SYT7: variants seen among roughly 807,000 people sequenced by gnomAD.
SYT7 encodes synaptotagmin 7, also known as synaptotagmin-7.
Under a neutral mutation model 75.1 loss-of-function variants are expected in SYT7, and 29 were observed. That is an observed-to-expected ratio of 0.39 (90% CI 0.29 to 0.53). The LOEUF is 0.53. SYT7 is among the 20% of genes least tolerant of loss of function. The pLI is 0.77. For synonymous variants in SYT7, 376 were observed against 401.7 expected (o/e 0.94, Z 0.76); for missense variants, 693 against 953.2 (o/e 0.73, Z 3.59).
intron 5 of SYT7, 70 bp downstream of exon 5, chr11:61,545,961 T>C (rs2063170613): frequency 7.2e-7 from 1 of 1,389,158 alleles, no homozygotes. Flanking sequence ...ATGCCAGGGG[T>C]CCCGCTGTCC....
chr11:61,563,896 C>T (rs550352726), intron 1 of SYT7, among the ~76,000 whole-genome samples: 2 of 152,326 alleles, frequency 1.3e-5, no homozygotes, highest in South Asian at 2.1e-4. Flanking sequence ...GCTTTGAAGA[C>T]CAAAGTCTGG....
At chr11:61,568,937 C>G (rs1398717372) in intron 1 of SYT7, among the ~76,000 whole-genome samples, 3 of 152,234 alleles carry the variant, frequency 2.0e-5, no homozygotes, top group Non-Finnish European at 4.4e-5. Context: ...CCAAGTCACA[C>G]AGTGAGCTGT....
intron 3 of SYT7, among the ~76,000 whole-genome samples, chr11:61,550,644 TC>T (rs577606549): frequency 2.0e-5 from 3 of 151,480 alleles, no homozygotes; most frequent in Admixed American, 6.6e-5. Flanking sequence ...CACAGAGGCC[TC>T]CCCCCCAGCA....
intron 1 of SYT7, among the ~76,000 whole-genome samples, chr11:61,566,865 C>T (rs1292418082): frequency 6.6e-6 from 1 of 152,198 alleles, no homozygotes; most frequent in Non-Finnish European, 1.5e-5. Context: ...TTAAAAGCTC[C>T]TCATGCTGAT....
At chr11:61,571,953 A>G (rs1590951602) in intron 1 of SYT7, among the ~76,000 whole-genome samples, 1 of 152,154 alleles carries the variant, frequency 6.6e-6, no homozygotes, top group Non-Finnish European at 1.5e-5. Flanking sequence ...TGACCAAGTT[A>G]CCATTGCACC....
chr11:61,537,536 G>C (rs1230329617), intron 7 of SYT7, among the ~76,000 whole-genome samples: 1 of 152,198 alleles, frequency 6.6e-6, no homozygotes, highest in Non-Finnish European at 1.5e-5. Flanking sequence ...TGCTCAGGAC[G>C]GCTGCCTGCA....
intron 6 of SYT7, chr11:61,541,370 T>A: frequency 1.2e-6 from 1 of 800,810 alleles, no homozygotes; most frequent in Non-Finnish European, 1.5e-6. Context: ...TGTCTTAGGC[T>A]CTGAGAGTGG....
chr11:61,550,200 C>T (rs1050968353), intron 3 of SYT7, among the ~76,000 whole-genome samples: 2 of 152,226 alleles, frequency 1.3e-5, no homozygotes, highest in East Asian at 1.9e-4. Context: ...GCCTGGCCCA[C>T]GCCTCCTCTT....
At chr11:61,532,051 TGGCTGGA>T (rs1279312276) in intron 8 of SYT7, among the ~76,000 whole-genome samples, 3 of 152,036 alleles carry the variant, frequency 2.0e-5, no homozygotes, top group Non-Finnish European at 4.4e-5. Flanking sequence ...TGGTTAGAGC[TGGCTGGA>T]ACCCTACATG....
chr11:61,534,843 T>C (rs1439526758), intron 7 of SYT7, among the ~76,000 whole-genome samples: 15 of 147,778 alleles, frequency 1.0e-4, no homozygotes, highest in African/African-American at 3.2e-4. Context: ...ACGCACCACA[T>C]ACACACACAC....
intron 6 of SYT7, chr11:61,540,951 T>C (rs746779090): frequency 6.5e-4 from 643 of 985,288 alleles, no homozygotes; most frequent in Non-Finnish European, 7.6e-4. Flanking sequence ...TTGAGTGGGG[T>C]AGAGCCCCAG....
At chr11:61,548,962 G>T (rs866907463) in intron 3 of SYT7, among the ~76,000 whole-genome samples, 2 of 152,196 alleles carry the variant, frequency 1.3e-5, no homozygotes, top group Middle Eastern at 3.2e-3. Flanking sequence ...TAAGTGGTGG[G>T]TATGGAGGAG....
At chr11:61,582,753 C>CA (rs1419778862), upstream of SYT7, among the ~76,000 whole-genome samples, 1 of 152,128 alleles carries the variant, frequency 6.6e-6, no homozygotes, top group Non-Finnish European at 1.5e-5. Context: ...CTATTCCATA[C>CA]ACCTCACAGC....
chr11:61,545,968 G>T, intron 5 of SYT7, 63 bp downstream of exon 5: 1 of 1,461,206 alleles, frequency 6.8e-7, no homozygotes, highest in Non-Finnish European at 9.2e-7. Flanking sequence ...GGGTCCCGCT[G>T]TCCACCCTGG....
At chr11:61,535,076 C>T (rs928181416) in intron 7 of SYT7, among the ~76,000 whole-genome samples, 3 of 152,142 alleles carry the variant, frequency 2.0e-5, no homozygotes, top group Non-Finnish European at 2.9e-5. Flanking sequence ...CTGAAGCTGT[C>T]GGAGGTCACA....
chr11:61,533,124 C>A lies in SYT7; in HGVS notation c.1065G>T (p.Arg355Ser), dbSNP rs745378316. Residue 355 changes from arginine (R) to serine (S), a missense_variant and splice_region_variant, in exon 8 of 13, where the codon AGG becomes AGT. By Grantham distance (110) the Arg-to-Ser change is moderately radical. This residue lies in a region of SYT7 where 487 missense variants were observed against 593.2 expected (regional missense o/e 0.82). Transcript: ENST00000539008. The part of the protein sequence containing the change: ...QQNQNAQGDK[R>S]LPAGGKAVNT... Reference sequence around the variant, plus strand: ...TCACCGCCTTCCCTCCTGCAGGCAACCTGAGGGCAGGGGAGTCCAAATGAG... The same window carrying A: ...TCACCGCCTTCCCTCCTGCAGGCAAACTGAGGGCAGGGGAGTCCAAATGAG... The A allele has an allele frequency of 6.3e-7, 1 of 1,592,920 alleles. No homozygotes were observed. Among genetic ancestry groups the A allele is most frequent in the South Asian group, 1.1e-5 (1 of 88,920 alleles).
In SYT7 at chr11:61,542,182, G is replaced by A; in HGVS notation, c.941+29C>T. The A allele has an allele frequency of 6.6e-7, 1 of 1,526,038 alleles. No homozygotes were observed. Among genetic ancestry groups the A allele is most frequent in the Non-Finnish European group, 8.8e-7 (1 of 1,142,370 alleles). The allele number at this position is 1,526,038 out of a possible 1,614,324, so 94.5% of individuals were successfully genotyped here. A position where few individuals can be genotyped will look rare whatever the true frequency, so the allele number is the denominator to read the frequency against. Reference sequence around the variant, plus strand: ...GCAGGAGGCTGGGTCAGGGAGGTGGGGGCCGGCCCGCTCAAGGGGAGGACT... The same window carrying A: ...GCAGGAGGCTGGGTCAGGGAGGTGGAGGCCGGCCCGCTCAAGGGGAGGACT... On this transcript the variant is annotated intron_variant, in intron 6 of 12. Transcript: ENST00000539008. The surrounding 1 kb of genome is among the most constrained non-coding windows in gnomAD (Gnocchi z 7.8).
At position 61,528,048 on chromosome 11, in the gene SYT7, C is replaced by T. The variant is rs369187235; in HGVS notation, c.1338G>A (p.Pro446=). The T allele has an allele frequency of 1.3e-5, 21 of 1,613,914 alleles. No homozygotes were observed. The highest frequency in any genetic ancestry group is 8.3e-5 in the Admixed American group (5 of 59,992). The change falls in exon 9 of 13, where the codon CCG becomes CCA. Residue 446 remains proline (P), a synonymous_variant. Coordinates refer to ENST00000539008, the MANE Select transcript of SYT7 (RefSeq NM_001365809.2). ...TVKIMKAQEL[P]AKDFSGTSDP... ...CGCTGGTGCCGCTGAAGTCCTTGGC[C>T]GGCAGCTCCTGGGCCTTCATGATCT...
chr11:61,520,973 G>A (rs1056218792), intron 12 of SYT7, among the ~76,000 whole-genome samples: 12 of 152,254 alleles, frequency 7.9e-5, no homozygotes, highest in Admixed American at 4.6e-4. Context: ...GATGGTGCAT[G>A]TCATGTGCTC....
Sources: allele counts gnomAD v4.1 joint callset (sites outside exome capture counted in the v4.1 genomes callset), GRCh38; gene constraint gnomAD v4.1.1; regional missense constraint gnomAD v4.1.1; non-coding constraint Gnocchi (gnomAD v3.1); transcripts MANE v1.5; gene names NCBI Gene and HGNC (gene_info 2026-07-23, HGNC 2026-07-21).